Variants in YIF1B observed in about 807,000 individuals in gnomAD.
YIF1B encodes protein YIF1B.
In YIF1B, 24 loss-of-function variants were observed where a neutral mutation model predicts 34.6. That is an observed-to-expected ratio of 0.69 (90% CI 0.50 to 0.98). The LOEUF (loss-of-function observed/expected upper bound fraction) is 0.98. Ranked by LOEUF, YIF1B falls within the 50% of genes least tolerant of loss-of-function variation. The probability of loss-of-function intolerance (pLI) is 0.00; values close to 1 mark genes in which losing one functional copy is unlikely to be tolerated. For missense variants in YIF1B, 368 were observed against 429.4 expected, an observed-to-expected ratio of 0.86 and a Z score of 1.26; for synonymous variants, 186 against 184.8, an observed-to-expected ratio of 1.01 and a Z score of -0.05.
chr19:38,310,751 T>C (rs1418056215), intron 1 of YIF1B, among the ~76,000 whole-genome samples: 2 of 152,072 alleles, frequency 1.3e-5, no homozygotes, highest in Non-Finnish European at 1.5e-5. Flanking sequence ...TCAAGGCCGC[T>C]GCACCAGCTG....
chr19:38,306,204 C>CA (rs1174694534), intron 7 of YIF1B, among the ~76,000 whole-genome samples: 350 of 28,700 alleles, frequency 0.012, 36 homozygotes, highest in African/African-American at 0.018. Flanking sequence ...CTCTGTCTCA[C>CA]AAAAAAAAAA....
At chr19:38,309,155 T>C (rs1342264434) in intron 3 of YIF1B, 69 bp downstream of exon 3, 4 of 1,586,624 alleles carry the variant, frequency 2.5e-6, no homozygotes, top group South Asian at 2.3e-5. Context: ...GGCTCCACCA[T>C]GCACCTGCCC....
chr19:38,311,371 A>G (rs1036974061), intron 1 of YIF1B, among the ~76,000 whole-genome samples: 7 of 152,186 alleles, frequency 4.6e-5, no homozygotes, highest in African/African-American at 1.4e-4. Context: ...GACAGCTAAA[A>G]TGACTTGTGC....
chr19:38,314,174 C>T (rs1312545328), intron 1 of YIF1B, among the ~76,000 whole-genome samples: 6 of 151,110 alleles, frequency 4.0e-5, no homozygotes, highest in Non-Finnish European at 5.9e-5. Flanking sequence ...TACAGGTGCG[C>T]GCCACCACGC....
chr19:38,313,916 CAT>C (rs1304955558), intron 1 of YIF1B, among the ~76,000 whole-genome samples: 2 of 152,276 alleles, frequency 1.3e-5, no homozygotes, highest in South Asian at 2.1e-4. Context: ...CTTCTCATAA[CAT>C]GTGGTGCTTT....
chr19:38,321,010 C>T (rs1019003759), upstream of YIF1B, among the ~76,000 whole-genome samples: 2 of 152,212 alleles, frequency 1.3e-5, no homozygotes, highest in South Asian at 4.1e-4. Flanking sequence ...CTCAACCATG[C>T]CAGGACCCCT....
intron 7 of YIF1B, among the ~76,000 whole-genome samples, chr19:38,306,467 T>G (rs973719065): frequency 2.6e-5 from 4 of 152,078 alleles, no homozygotes; most frequent in African/African-American, 9.7e-5. Flanking sequence ...TGCCTCAGCC[T>G]GCCAAAGTGC....
At chr19:38,315,117 C>T (rs1300167592) in intron 1 of YIF1B, among the ~76,000 whole-genome samples, 2 of 151,892 alleles carry the variant, frequency 1.3e-5, no homozygotes, top group African/African-American at 2.4e-5. Flanking sequence ...TGGTGGCCTG[C>T]GCCTGTAATC....
At chr19:38,319,831 T>C (rs1002767295), upstream of YIF1B, 16 of 1,012,854 alleles carry the variant, frequency 1.6e-5, 1 homozygote, top group African/African-American at 2.4e-4. Flanking sequence ...CCTCTTCCTC[T>C]TGGGGCATCT....
rs1169842982 is a variant in YIF1B, at chr19:38,305,012, C to T, written c.*340G>A. 6.4e-7 allele frequency: 1 copy of T among 1,557,172 alleles called. No individual in the cohort carries two copies. Among genetic ancestry groups the T allele is most frequent in the South Asian group, 1.2e-5 (1 of 85,090 alleles). ...AAACCTTCCTCTCTGCCTTCTGCGA[C>T]TGGTCAGCGTGGTGCCTACTCTGGC... On this transcript the variant is annotated 3_prime_UTR_variant, in exon 8 of 8. Transcript: ENST00000339413.
At chr19:38,315,568 C>A (rs1969512315) in intron 1 of YIF1B, 2 of 1,469,928 alleles carry the variant, frequency 1.4e-6, no homozygotes, top group African/African-American at 2.8e-5. Context: ...TACTGGGGAG[C>A]CACGGAAGGG....
chr19:38,309,890 A>C, intron 1 of YIF1B: 1 of 1,347,200 alleles, frequency 7.4e-7, no homozygotes, highest in Non-Finnish European at 9.6e-7. Flanking sequence ...CTACCCACCC[A>C]TCCATCCACC....
rs1968915346 is a variant in YIF1B, at chr19:38,304,741, TC to T, written c.*610del. The T allele has an allele frequency of 6.2e-6, 10 of 1,611,614 alleles. No homozygotes were observed. The highest frequency in any genetic ancestry group is 1.7e-4 in the Middle Eastern group (1 of 6,028). On this transcript the variant is annotated 3_prime_UTR_variant, in exon 8 of 8. Coordinates refer to ENST00000339413, the MANE Select transcript of YIF1B (RefSeq NM_001039672.3). ...ACGTGCCCTGCACCCCAGAGAGGCG[TC>T]CCCGCACTGGGGCTGGCGGGGAGGG...
In YIF1B at chr19:38,305,134, T is replaced by C. The variant is rs996940887; in HGVS notation, c.*218A>G. On this transcript the variant is annotated 3_prime_UTR_variant, in exon 8 of 8. Coordinates refer to ENST00000339413, the MANE Select transcript of YIF1B (RefSeq NM_001039672.3). ...TCCACGCCATGCCCATCAGGGTTTA[T>C]TGTTTCTGTAACAGCGGCCACGCCC... The C allele has an allele frequency of 6.3e-5, 89 of 1,423,410 alleles. 2 individuals are homozygous for C. Among genetic ancestry groups the C allele is most frequent in the South Asian group, 1.5e-5 (1 of 68,658 alleles). The allele number at this position is 1,423,410 out of a possible 1,614,324, so 88.2% of individuals were successfully genotyped here.
intron 1 of YIF1B, 77 bp from the exon 2 acceptor site, chr19:38,309,720 C>A: frequency 6.6e-7 from 1 of 1,514,734 alleles, no homozygotes; most frequent in South Asian, 1.3e-5. Context: ...ATTCATCCCA[C>A]AGCTCTGCCT....
At chr19:38,305,699 T>A (rs1968987204) in intron 7 of YIF1B, among the ~76,000 whole-genome samples, 192 bp from the exon 8 acceptor site, 1 of 152,054 alleles carries the variant, frequency 6.6e-6, no homozygotes, top group Non-Finnish European at 1.5e-5. Context: ...ATGGTGAGGA[T>A]TTGCTTCTCC....
chr19:38,320,311 G>T (rs375452998), upstream of YIF1B: 99 of 1,598,650 alleles, frequency 6.2e-5, no homozygotes, highest in Non-Finnish European at 8.2e-5. Flanking sequence ...GAGGACCCGG[G>T]ATCCCCACTT....
chr19:38,315,969 C>T (rs1361972115), upstream of YIF1B: 14 of 1,376,722 alleles, frequency 1.0e-5, no homozygotes, highest in Middle Eastern at 2.7e-4. Context: ...GCCCGGCTCC[C>T]GTACCCACGC....
chr19:38,312,981 C>T (rs550679705), intron 1 of YIF1B, among the ~76,000 whole-genome samples: 1 of 152,050 alleles, frequency 6.6e-6, no homozygotes, highest in African/African-American at 2.4e-5. Flanking sequence ...GACAGATTCT[C>T]GCTCTTGTCA....
Sources: allele counts gnomAD v4.1 joint callset (sites outside exome capture counted in the v4.1 genomes callset), GRCh38; gene constraint gnomAD v4.1.1; transcripts MANE v1.5; gene names NCBI Gene and HGNC (gene_info 2026-07-23, HGNC 2026-07-21).